Variants in LRP1B observed in about 807,000 individuals in gnomAD.
LRP1B encodes LDL receptor related protein 1B.
A neutral mutation model predicts 556.6 loss-of-function variants in LRP1B; 217 were observed. The observed-to-expected ratio is 0.39, with a 90% CI of 0.35 to 0.44. The LOEUF (loss-of-function observed/expected upper bound fraction) is 0.44. Among genes scored for constraint, LRP1B ranks in the 20% least tolerant of loss-of-function variants. The pLI is 1.00. For synonymous variants in LRP1B, 2,047 were observed against 1,865.8 expected (o/e 1.10, Z -2.50); for missense variants, 5,053 against 5,620.8 (o/e 0.90, Z 3.23).
chr2:140,460,239 C>T (rs752034736), intron 60 of LRP1B, among the ~76,000 whole-genome samples: 4 of 152,080 alleles, frequency 2.6e-5, no homozygotes, highest in East Asian at 1.9e-4. Context: ...GGGATGACAC[C>T]GGATGCCAGG....
chr2:140,378,521 G>A (rs16843875), intron 67 of LRP1B, among the ~76,000 whole-genome samples: 13,055 of 152,060 alleles, frequency 0.086, 654 homozygotes, highest in Middle Eastern at 0.14. Flanking sequence ...AAGTTGGAAC[G>A]TAGGACAAAA....
intron 3 of LRP1B, among the ~76,000 whole-genome samples, chr2:141,375,377 G>C (rs1689389610): frequency 6.6e-6 from 1 of 152,154 alleles, no homozygotes; most frequent in South Asian, 2.1e-4. Context: ...ATGTTTGGAA[G>C]CTAGCAGTGG....
chr2:141,592,877 A>G (rs918628930), intron 2 of LRP1B, among the ~76,000 whole-genome samples: 3 of 152,140 alleles, frequency 2.0e-5, no homozygotes, highest in Non-Finnish European at 4.4e-5. Context: ...AAATAAAGCA[A>G]CTTGTCTGAT....
At position 140,364,690 on chromosome 2, in the gene LRP1B, T is replaced by C; in HGVS notation, c.11102A>G (p.Asp3701Gly). The stretch of plus-strand genomic sequence containing the variant: ...CATATCAGGGGCTTCATCAGAGTTG[T>C]CTCCACAGTCGTCCTCTCCATCACA... ...WVCDGEDDCG[D>G]NSDEAPDMCV... The change falls in exon 72 of 91, where the codon GAC (aspartate) becomes GGC (glycine). Residue 3701 changes from aspartate to glycine, a missense_variant. By Grantham distance (94) the Asp-to-Gly change is moderately conservative. Coordinates refer to ENST00000389484, the MANE Select transcript of LRP1B (RefSeq NM_018557.3). 6.2e-7 allele frequency: 1 copy of C among 1,610,180 alleles called. No individual in the cohort carries two copies. The highest frequency in any genetic ancestry group is 8.5e-7 in the Non-Finnish European group (1 of 1,177,516).
At chr2:141,018,484 A>G (rs957139751) in intron 12 of LRP1B, among the ~76,000 whole-genome samples, 8 of 152,130 alleles carry the variant, frequency 5.3e-5, no homozygotes, top group African/African-American at 1.9e-4. Flanking sequence ...TAATCTGGAT[A>G]CCTACAAACT....
intron 84 of LRP1B, among the ~76,000 whole-genome samples, chr2:140,296,061 GAGAT>G (rs759408978): frequency 8.5e-5 from 13 of 152,206 alleles, no homozygotes; most frequent in East Asian, 7.7e-4. Context: ...TTCTTTTAAA[GAGAT>G]AGAAAAGACT....
At chr2:141,388,394 C>T (rs1689917267) in intron 3 of LRP1B, among the ~76,000 whole-genome samples, 2 of 152,194 alleles carry the variant, frequency 1.3e-5, no homozygotes, top group South Asian at 4.1e-4. Context: ...CAAGATGGCG[C>T]CACTGCACTC....
At chr2:142,003,030 A>G (rs1382975614) in intron 1 of LRP1B, among the ~76,000 whole-genome samples, 1 of 152,210 alleles carries the variant, frequency 6.6e-6, no homozygotes, top group African/African-American at 2.4e-5. Flanking sequence ...TTAGTTATTA[A>G]AAATTCAGAT....
intron 3 of LRP1B, among the ~76,000 whole-genome samples, chr2:141,423,290 CTTTTTTT>C (rs1176569388): frequency 5.9e-5 from 4 of 68,376 alleles, no homozygotes; most frequent in African/African-American, 1.0e-4. Flanking sequence ...ACAGCCAGAG[CTTTTTTT>C]TTTTTTTTTT....
intron 7 of LRP1B, among the ~76,000 whole-genome samples, chr2:141,152,651 T>C (rs1377299524): frequency 6.6e-6 from 1 of 151,880 alleles, no homozygotes; most frequent in Admixed American, 6.6e-5. Flanking sequence ...TCAATTTCTT[T>C]GCTAAAGAAT....
intron 2 of LRP1B, among the ~76,000 whole-genome samples, chr2:141,759,363 A>C (rs1230845632): frequency 6.6e-6 from 1 of 152,174 alleles, no homozygotes; most frequent in Non-Finnish European, 1.5e-5. Context: ...GAAAACCTTG[A>C]GATGTGCTAT....
chr2:140,637,660 G>C (rs1456766112), intron 41 of LRP1B, among the ~76,000 whole-genome samples: 1 of 152,010 alleles, frequency 6.6e-6, no homozygotes, highest in African/African-American at 2.4e-5. Flanking sequence ...AGGTGCCACT[G>C]TTGTAGTCCA....
intron 2 of LRP1B, among the ~76,000 whole-genome samples, chr2:141,618,419 T>C (rs1276770014): frequency 1.3e-5 from 2 of 152,226 alleles, no homozygotes; most frequent in Admixed American, 1.3e-4. Context: ...ATTACTCAAT[T>C]ATTCACTTAT....
chr2:141,288,975 T>C (rs1051771429), intron 3 of LRP1B, among the ~76,000 whole-genome samples: 3 of 152,194 alleles, frequency 2.0e-5, no homozygotes, highest in Non-Finnish European at 4.4e-5. Context: ...TTTGTACATG[T>C]ACTTTGGAAA....
At chr2:141,221,068 T>C (rs183790030) in intron 6 of LRP1B, among the ~76,000 whole-genome samples, 179 of 152,132 alleles carry the variant, frequency 1.2e-3, no homozygotes, top group Admixed American at 1.8e-3. Flanking sequence ...ACCTTAAAAG[T>C]AAATGGGCCA....
chr2:141,487,549 C>T (rs1472967975), intron 2 of LRP1B, among the ~76,000 whole-genome samples: 1 of 152,122 alleles, frequency 6.6e-6, no homozygotes, highest in Non-Finnish European at 1.5e-5. Context: ...CAAAACCAAA[C>T]TCCTTAGCCT....
At chr2:141,491,474 G>A (rs1360386603) in intron 2 of LRP1B, among the ~76,000 whole-genome samples, 2 of 146,062 alleles carry the variant, frequency 1.4e-5, no homozygotes, top group African/African-American at 2.4e-5. Context: ...CTTGTTCTTT[G>A]GGACTACTTT....
chr2:141,957,271 G>A (rs1020021538), intron 1 of LRP1B, among the ~76,000 whole-genome samples: 1 of 151,518 alleles, frequency 6.6e-6, no homozygotes, highest in Non-Finnish European at 1.5e-5. Context: ...CATGGGCTGG[G>A]AGATTCCCCA....
chr2:141,929,052 C>G (rs998423368), intron 1 of LRP1B, among the ~76,000 whole-genome samples: 1 of 152,072 alleles, frequency 6.6e-6, no homozygotes, highest in Non-Finnish European at 1.5e-5. Flanking sequence ...GGATCCTGAC[C>G]TAGGTGTCTG....
Sources: allele counts gnomAD v4.1 joint callset (sites outside exome capture counted in the v4.1 genomes callset), GRCh38; gene constraint gnomAD v4.1.1; transcripts MANE v1.5; gene names NCBI Gene and HGNC (gene_info 2026-07-23, HGNC 2026-07-21).